The following CADM2 variants were observed in gnomAD, a reference collection of about 807,000 sequenced individuals.
CADM2 encodes cell adhesion molecule 2.
In CADM2, 12 loss-of-function variants were observed where a neutral mutation model predicts 49.8. That is an observed-to-expected ratio of 0.24 (90% CI 0.15 to 0.39). The LOEUF is 0.39. Ranked by LOEUF, CADM2 falls within the 10% of genes least tolerant of loss-of-function variation. CADM2 has a pLI of 1.00. For missense variants in CADM2, 378 were observed against 492.3 expected, an observed-to-expected ratio of 0.77 and a Z score of 2.20; for synonymous variants, 214 against 175.4, an observed-to-expected ratio of 1.22 and a Z score of -1.74.
chr3:84,993,412 A>G (rs2033002832), intron 1 of CADM2, among the ~76,000 whole-genome samples: 1 of 152,176 alleles, frequency 6.6e-6, no homozygotes, highest in African/African-American at 2.4e-5. Context: ...GGAAAAAGGA[A>G]CACTGAGGGA....
At chr3:85,197,773 A>G (rs1449529381) in intron 1 of CADM2, among the ~76,000 whole-genome samples, 3 of 152,024 alleles carry the variant, frequency 2.0e-5, no homozygotes, top group Middle Eastern at 3.4e-3. Flanking sequence ...TCTTATCATG[A>G]TGCTGCTTGT....
At chr3:85,091,753 C>T (rs1330359727) in intron 1 of CADM2, among the ~76,000 whole-genome samples, 1 of 152,046 alleles carries the variant, frequency 6.6e-6, no homozygotes, top group Non-Finnish European at 1.5e-5. Flanking sequence ...AAATATAAAT[C>T]TGAAATGTCC....
intron 1 of CADM2, among the ~76,000 whole-genome samples, chr3:85,305,507 C>A (rs1419456282): frequency 6.6e-6 from 1 of 151,434 alleles, no homozygotes; most frequent in Non-Finnish European, 1.5e-5. Context: ...AGTAAGTAAT[C>A]CTGAAGGATT....
chr3:85,122,156 C>A (rs1286695827), intron 1 of CADM2, among the ~76,000 whole-genome samples: 1 of 152,066 alleles, frequency 6.6e-6, no homozygotes, highest in African/African-American at 2.4e-5. Flanking sequence ...CATTCCCAAG[C>A]TCCTCCTCAA....
chr3:86,013,608 T>C lies in CADM2; in HGVS notation c.970+51961T>C. The C allele has an allele frequency of 6.9e-6, 11 of 1,599,874 alleles. No homozygotes were observed. The South Asian group carries it at 1.2e-4, about 18-fold the overall frequency. The stretch of plus-strand genomic sequence containing the variant: ...AGAAACTCTCAGGGAAGAGAGAGAA[T>C]CACACTTCTTTTCCATTATCACTGA... On this transcript the variant is annotated intron_variant, in intron 8 of 9. Transcript: ENST00000383699.
intron 3 of CADM2, among the ~76,000 whole-genome samples, chr3:85,822,426 A>C (rs1458127092): frequency 3.3e-5 from 5 of 152,094 alleles, no homozygotes; most frequent in Non-Finnish European, 7.3e-5. Context: ...TTTACTAAAA[A>C]TACAAAAATT....
rs527929350 is a variant in CADM2 at position 85,399,260 on chromosome 3, G to T, written c.62-327262G>T. ...TTAAATAGGGAATCCTTTCCCCATT[G>T]CTTGTTTTTGTCAGGTTTGTCAAAG... On this transcript the variant is annotated intron_variant, in intron 1 of 9. Coordinates refer to ENST00000383699, the MANE Select transcript of CADM2 (RefSeq NM_001167675.2). Among the ~76,000 whole-genome samples, 480 of 152,244 alleles carry T rather than the reference G, an allele frequency of 3.2e-3. 4 individuals are homozygous for T. The highest frequency in any genetic ancestry group is 0.011 in the African/African-American group (460 of 41,548).
chr3:85,338,951 A>T (rs2045166640), intron 1 of CADM2, among the ~76,000 whole-genome samples: 1 of 151,492 alleles, frequency 6.6e-6, no homozygotes, highest in Non-Finnish European at 1.5e-5. Context: ...TATTCTAAAG[A>T]CTTGTTTCCA....
At chr3:85,783,656 G>T (rs371392131) in intron 2 of CADM2, among the ~76,000 whole-genome samples, 1 of 152,114 alleles carries the variant, frequency 6.6e-6, no homozygotes, top group Non-Finnish European at 1.5e-5. Flanking sequence ...CATTACATAA[G>T]CATTATATAT....
At chr3:85,167,300 A>G (rs1386296723) in intron 1 of CADM2, among the ~76,000 whole-genome samples, 1 of 152,084 alleles carries the variant, frequency 6.6e-6, no homozygotes, top group Non-Finnish European at 1.5e-5. Flanking sequence ...AATTCCATTT[A>G]GCAGTTAAGA....
chr3:85,180,555 A>T (rs915226767), intron 1 of CADM2, among the ~76,000 whole-genome samples: 2 of 150,496 alleles, frequency 1.3e-5, no homozygotes, highest in East Asian at 3.9e-4. Flanking sequence ...AGAAAAAATG[A>T]CCACCCTACC....
At chr3:86,014,344 A>G (rs1731942524) in intron 8 of CADM2, 12 of 1,398,304 alleles carry the variant, frequency 8.6e-6, no homozygotes, top group Non-Finnish European at 4.8e-6. Flanking sequence ...CTCCAGGGGC[A>G]AACCTCTGAT....
chr3:85,554,183 T>A (rs975872741), intron 1 of CADM2, among the ~76,000 whole-genome samples: 1 of 152,110 alleles, frequency 6.6e-6, no homozygotes, highest in Non-Finnish European at 1.5e-5. Flanking sequence ...CCACCCCACA[T>A]CATCAGGCAT....
At position 85,908,128 on chromosome 3, in the gene CADM2, A is replaced by G. The variant is rs1196771089; in HGVS notation, c.530-4245A>G. On this transcript the variant is annotated intron_variant, in intron 5 of 9. Transcript: ENST00000383699. The stretch of plus-strand genomic sequence containing the variant: ...CTAAAAGTGGCCAGAAACTAGATAT[A>G]GAGCCTGATGAGTTAATATTATAAA... 5.3e-5 allele frequency among the ~76,000 whole-genome samples: 8 copies of G among 152,192 alleles called. No individual in the cohort carries two copies. In the East Asian group the frequency reaches 1.5e-3, roughly 29 times the overall value.
chr3:85,242,307 A>G (rs1017709514), intron 1 of CADM2, among the ~76,000 whole-genome samples: 1 of 151,380 alleles, frequency 6.6e-6, no homozygotes, highest in African/African-American at 2.4e-5. Flanking sequence ...TGTAGAGGAA[A>G]ACATGTTTTT....
At chr3:86,048,313 C>T (rs1736914190) in intron 8 of CADM2, among the ~76,000 whole-genome samples, 1 of 151,764 alleles carries the variant, frequency 6.6e-6, no homozygotes. Flanking sequence ...ATAGCATTTT[C>T]TGATATATTT....
chr3:85,925,616 A>C (rs1481983357), intron 6 of CADM2, among the ~76,000 whole-genome samples: 1 of 152,134 alleles, frequency 6.6e-6, no homozygotes, highest in African/African-American at 2.4e-5. Flanking sequence ...GTTCCTATTG[A>C]GTGGTAGAAC....
At chr3:84,996,359 C>T (rs1333237185) in intron 1 of CADM2, among the ~76,000 whole-genome samples, 1 of 152,008 alleles carries the variant, frequency 6.6e-6, no homozygotes, top group Non-Finnish European at 1.5e-5. Context: ...ACTTATTTCT[C>T]ATAATCTATG....
In CADM2 at chr3:85,312,966, C is replaced by T. The variant is rs534182316; in HGVS notation, c.61+353298C>T. ...TGAAATAGCTTCAACTGTGCATTTC[C>T]CCTTATCACATTTAATCCCAGAGGC... On this transcript the variant is annotated intron_variant, in intron 1 of 9. Transcript: ENST00000383699. Among the ~76,000 whole-genome samples, 15 of 152,206 alleles carry T rather than the reference C, an allele frequency of 9.9e-5. 1 individual carries two copies. Among genetic ancestry groups the T allele is most frequent in the African/African-American group, 3.6e-4 (15 of 41,538 alleles).
Sources: gnomAD v4.1 joint callset for allele counts (sites outside exome capture counted in the v4.1 genomes callset) on GRCh38, gnomAD v4.1.1 for gene constraint, MANE v1.5 for transcripts, NCBI Gene and HGNC (gene_info 2026-07-23, HGNC 2026-07-21) for gene names.